The following COL6A5 variants were observed in gnomAD, a reference collection of about 807,000 sequenced individuals.
COL6A5 encodes collagen alpha-5(VI) chain.
A neutral mutation model predicts 65.6 loss-of-function variants in COL6A5; 48 were observed. The observed-to-expected ratio is 0.73, with a 90% CI of 0.58 to 0.93. COL6A5 has a LOEUF of 0.93. Among genes scored for constraint, COL6A5 ranks in the 40% least tolerant of loss-of-function variants. The probability of loss-of-function intolerance (pLI) is 0.00; values close to 1 mark genes in which losing one functional copy is unlikely to be tolerated. For missense variants in COL6A5, 914 were observed against 928.3 expected, an observed-to-expected ratio of 0.98 and a Z score of 0.20; for synonymous variants, 291 against 322.8, an observed-to-expected ratio of 0.90 and a Z score of 1.05.
chr3:130,426,773 C>T (rs1350956808), upstream of COL6A5, among the ~76,000 whole-genome samples: 1 of 150,084 alleles, frequency 6.7e-6, no homozygotes, highest in East Asian at 2.0e-4. Flanking sequence ...GTCGGTTACT[C>T]AGTTAATAAA....
chr3:130,482,745 T>C (rs961459711), intron 7 of COL6A5, among the ~76,000 whole-genome samples: 1 of 152,194 alleles, frequency 6.6e-6, no homozygotes, highest in Non-Finnish European at 1.5e-5. Context: ...TAGTTCTCCT[T>C]GAAGACGTCC....
exon 20 of COL6A5, chr3:130,410,498 G>A: frequency 6.4e-7 from 1 of 1,550,970 alleles, no homozygotes; most frequent in Non-Finnish European, 8.7e-7. Flanking sequence ...AGGGGTGCAA[G>A]GCAGTCCTAG....
intron 1 of COL6A5, among the ~76,000 whole-genome samples, chr3:130,435,347 G>A (rs1410626933): frequency 6.6e-6 from 1 of 152,136 alleles, no homozygotes; most frequent in Non-Finnish European, 1.5e-5. Flanking sequence ...CTGTATCCTT[G>A]TAGTATAGTT....
intron 1 of COL6A5, among the ~76,000 whole-genome samples, chr3:130,438,341 C>T (rs761696222): frequency 6.6e-6 from 1 of 152,116 alleles, no homozygotes; most frequent in Non-Finnish European, 1.5e-5. Flanking sequence ...TCCCCAGAAC[C>T]TAGAACTACA....
chr3:130,406,070 C>A, intron 15 of COL6A5, 51 bp downstream of exon 15: 1 of 1,548,804 alleles, frequency 6.5e-7, no homozygotes, highest in Non-Finnish European at 8.7e-7. Flanking sequence ...GGATTAGTTT[C>A]CGAATAAGCG....
intron 11 of COL6A5, 131 bp downstream of exon 11, chr3:130,401,304 A>G (rs927936222): frequency 5.1e-6 from 4 of 782,834 alleles, no homozygotes; most frequent in Non-Finnish European, 7.9e-6. Context: ...AGTATATAAA[A>G]AAGTGTGGAA....
intron 10 of COL6A5, 101 bp downstream of exon 10, chr3:130,398,212 G>GAT: frequency 1.3e-6 from 1 of 769,362 alleles, no homozygotes; most frequent in Non-Finnish European, 2.1e-6. Context: ...CTCACTGCAA[G>GAT]CTCCACCTTC....
chr3:130,472,797 T>C (rs1240414258), intron 7 of COL6A5, among the ~76,000 whole-genome samples: 1 of 138,268 alleles, frequency 7.2e-6, no homozygotes, highest in Non-Finnish European at 1.5e-5. Context: ...GGCATATATG[T>C]ATACTTCAAA....
exon 6 of COL6A5, chr3:130,388,638 A>G (rs1449147390): frequency 3.9e-6 from 6 of 1,551,010 alleles, no homozygotes; most frequent in Non-Finnish European, 5.2e-6. Flanking sequence ...GGAGTATAGG[A>G]AATGAAAATT....
At chr3:130,351,815 C>A (rs992935236) in intron 1 of COL6A5, among the ~76,000 whole-genome samples, 37 of 152,048 alleles carry the variant, frequency 2.4e-4, no homozygotes, top group African/African-American at 7.5e-4. Context: ...GGGTATATAC[C>A]CAAAGGATTA....
At chr3:130,435,114 G>A (rs187277330) in intron 1 of COL6A5, among the ~76,000 whole-genome samples, 1 of 152,246 alleles carries the variant, frequency 6.6e-6, no homozygotes, top group East Asian at 1.9e-4. Flanking sequence ...GTTGATTTTT[G>A]TATAAGGTGT....
chr3:130,409,068 A>G (rs1242156837), intron 17 of COL6A5, among the ~76,000 whole-genome samples: 3 of 152,322 alleles, frequency 2.0e-5, no homozygotes, highest in South Asian at 2.1e-4. Flanking sequence ...GAACATTTCC[A>G]TCACTGCAGA....
exon 7 of COL6A5, chr3:130,391,681 T>C (rs1218379007): frequency 1.3e-6 from 2 of 1,551,634 alleles, no homozygotes; most frequent in Admixed American, 2.0e-5. Context: ...ATACTATCTA[T>C]GTAGATAATT....
exon 6 of COL6A5, chr3:130,388,903 A>C: frequency 6.5e-7 from 1 of 1,546,830 alleles, no homozygotes; most frequent in African/African-American, 1.4e-5. Flanking sequence ...TTTGGGGGCC[A>C]AAAAATTTCT....
chr3:130,404,926 G>A (rs1391764639), intron 13 of COL6A5, among the ~76,000 whole-genome samples: 1 of 152,212 alleles, frequency 6.6e-6, no homozygotes, highest in Non-Finnish European at 1.5e-5. Context: ...TGGGGTTCCT[G>A]CCCTCAAAAA....
intron 5 of COL6A5, among the ~76,000 whole-genome samples, chr3:130,460,298 C>T (rs528748087): frequency 6.6e-6 from 1 of 152,220 alleles, no homozygotes; most frequent in East Asian, 1.9e-4. Context: ...TAAACTGAGT[C>T]TCCCATTACC....
intron 1 of COL6A5, among the ~76,000 whole-genome samples, chr3:130,371,659 C>T (rs930562361): frequency 1.6e-4 from 25 of 151,980 alleles, no homozygotes; most frequent in Non-Finnish European, 3.1e-4. Flanking sequence ...CCTACCTCAC[C>T]CCATACACAA....
At chr3:130,384,825 C>G (rs1936124360) in exon 5 of COL6A5, 1 of 1,547,456 alleles carries the variant, frequency 6.5e-7, no homozygotes, top group Admixed American at 2.0e-5. Flanking sequence ...ACAAAAGAGG[C>G]TGATATCCAC....
intron 11 of COL6A5, among the ~76,000 whole-genome samples, 189 bp downstream of exon 11, chr3:130,401,362 A>G (rs141182428): frequency 6.6e-6 from 1 of 152,318 alleles, no homozygotes; most frequent in East Asian, 1.9e-4. Flanking sequence ...ATTCTTTGTC[A>G]TCTCACTAAA....
Sources: gnomAD v4.1 joint callset for allele counts (sites outside exome capture counted in the v4.1 genomes callset) on GRCh38, gnomAD v4.1.1 for gene constraint, MANE v1.5 for transcripts, NCBI Gene and HGNC (gene_info 2026-07-23, HGNC 2026-07-21) for gene names.